ROBO1: variants seen among roughly 807,000 people sequenced by gnomAD.
The protein encoded by ROBO1 is roundabout guidance receptor 1.
In ROBO1, 149 loss-of-function variants were observed where a neutral mutation model predicts 195.9. That is an observed-to-expected ratio of 0.76 (90% confidence interval 0.67 to 0.87). ROBO1 has a LOEUF of 0.87. ROBO1 is among the 40% of genes least tolerant of loss of function. ROBO1 has a pLI of 0.00. For missense variants in ROBO1, 1,933 were observed against 2,068.3 expected, an observed-to-expected ratio of 0.93 and a Z score of 1.27; for synonymous variants, 816 against 733.2, an observed-to-expected ratio of 1.11 and a Z score of -1.82.
At chr3:79,478,156 G>T (rs1329329877) in intron 2 of ROBO1, among the ~76,000 whole-genome samples, 1 of 152,098 alleles carries the variant, frequency 6.6e-6, no homozygotes, top group African/African-American at 2.4e-5. Context: ...GGCTGCAAGT[G>T]CCCTGGGATC....
rs1164084745 is a variant in ROBO1, at chr3:78,867,100, T to A, written c.499+71501A>T. The stretch of plus-strand genomic sequence containing the variant: ...CATTGAAGTTTCTGTTTATCCTGGA[T>A]AACAACTCAGTATTTCATTAAGGAA... On this transcript the variant is annotated intron_variant, in intron 4 of 30. Transcript: ENST00000464233. 2.0e-5 allele frequency among the ~76,000 whole-genome samples: 3 copies of A among 152,328 alleles called. No homozygotes were observed. In the East Asian group the frequency reaches 5.8e-4, roughly 29 times the overall value.
chr3:79,428,215 A>G (rs1226978632), intron 2 of ROBO1, among the ~76,000 whole-genome samples: 1 of 152,166 alleles, frequency 6.6e-6, no homozygotes, highest in Non-Finnish European at 1.5e-5. Flanking sequence ...CAATAGAGGT[A>G]TCAGAGATAC....
intron 1 of ROBO1, among the ~76,000 whole-genome samples, chr3:79,661,036 A>T (rs1267780169): frequency 6.6e-6 from 1 of 152,080 alleles, no homozygotes; most frequent in East Asian, 1.9e-4. Context: ...AACAATTTAT[A>T]CTAAAAAGTA....
chr3:79,207,847 T>C (rs550437627), intron 2 of ROBO1, among the ~76,000 whole-genome samples: 1 of 151,874 alleles, frequency 6.6e-6, no homozygotes, highest in East Asian at 1.9e-4. Flanking sequence ...TCTAAATCAC[T>C]AGTAATCAGA....
In ROBO1 at chr3:78,598,867, T is replaced by G; in HGVS notation, c.*46A>C. The G allele has an allele frequency of 7.1e-7, 1 of 1,412,282 alleles. No homozygotes were observed. Among genetic ancestry groups the G allele is most frequent in the Non-Finnish European group, 9.7e-7 (1 of 1,025,954 alleles). The allele number at this position is 1,412,282 out of a possible 1,614,324, so 87.5% of individuals were successfully genotyped here. A position where few individuals can be genotyped will look rare whatever the true frequency, so the allele number is the denominator to read the frequency against. ...ATGTGTCATCTGACAGGAGGCATCT[T>G]GAGTGATGATTTTCACATTAGATCT... On this transcript the variant is annotated 3_prime_UTR_variant, in exon 31 of 31. Coordinates refer to ENST00000464233, the MANE Select transcript of ROBO1 (RefSeq NM_002941.4).
At chr3:78,693,525 C>T (rs1467143007) in intron 8 of ROBO1, among the ~76,000 whole-genome samples, 4 of 152,002 alleles carry the variant, frequency 2.6e-5, no homozygotes, top group Non-Finnish European at 5.9e-5. Context: ...TATTTGTTAG[C>T]ATTTTAGGTA....
At chr3:79,116,242 T>C (rs2079991561) in intron 3 of ROBO1, among the ~76,000 whole-genome samples, 1 of 152,100 alleles carries the variant, frequency 6.6e-6, no homozygotes, top group Non-Finnish European at 1.5e-5. Flanking sequence ...TCTTCCTGTA[T>C]AATTTAATCT....
intron 2 of ROBO1, among the ~76,000 whole-genome samples, chr3:79,269,018 C>T (rs570575749): frequency 2.0e-5 from 3 of 151,606 alleles, no homozygotes; most frequent in African/African-American, 4.8e-5. Context: ...AAGACCAATT[C>T]GCTTTCCAGA....
intron 1 of ROBO1, among the ~76,000 whole-genome samples, chr3:79,602,393 C>T (rs1223335494): frequency 6.6e-6 from 1 of 151,886 alleles, no homozygotes; most frequent in Non-Finnish European, 1.5e-5. Context: ...ATTCTAGAAG[C>T]CAAGGGTTTT....
intron 3 of ROBO1, among the ~76,000 whole-genome samples, chr3:79,118,150 G>A (rs2080043153): frequency 6.6e-6 from 1 of 151,972 alleles, no homozygotes; most frequent in Non-Finnish European, 1.5e-5. Context: ...GGTTAGTAGA[G>A]TCATTTCCAA....
At chr3:79,129,555 T>A (rs2080284990) in intron 2 of ROBO1, among the ~76,000 whole-genome samples, 1 of 152,108 alleles carries the variant, frequency 6.6e-6, no homozygotes, top group Non-Finnish European at 1.5e-5. Context: ...CAGTATAAAT[T>A]ATGTCCTCAA....
intron 1 of ROBO1, among the ~76,000 whole-genome samples, chr3:79,635,836 C>T (rs1576156621): frequency 6.6e-6 from 1 of 152,200 alleles, no homozygotes; most frequent in East Asian, 1.9e-4. Flanking sequence ...ACTGTTATCC[C>T]TTCTAAGCCT....
intron 1 of ROBO1, among the ~76,000 whole-genome samples, chr3:79,644,820 A>T (rs1945770221): frequency 6.6e-6 from 1 of 152,158 alleles, no homozygotes; most frequent in Non-Finnish European, 1.5e-5. Flanking sequence ...GCCACAAAAC[A>T]GGTCTCAGCA....
At chr3:78,887,027 GTATTA>G (rs899661542) in intron 4 of ROBO1, among the ~76,000 whole-genome samples, 21 of 152,072 alleles carry the variant, frequency 1.4e-4, no homozygotes, top group African/African-American at 5.1e-4. Flanking sequence ...AGTTAAATTT[GTATTA>G]TATAAGACAT....
chr3:79,178,655 G>A (rs1022956827), intron 2 of ROBO1, among the ~76,000 whole-genome samples: 1 of 152,166 alleles, frequency 6.6e-6, no homozygotes, highest in Non-Finnish European at 1.5e-5. Flanking sequence ...GGCATTTGGC[G>A]CCAAGTGGCA....
chr3:79,274,464 A>G (rs1380454114), intron 2 of ROBO1, among the ~76,000 whole-genome samples: 3 of 152,026 alleles, frequency 2.0e-5, no homozygotes, highest in African/African-American at 7.2e-5. Flanking sequence ...GATAATGGAA[A>G]CACAGCATAC....
chr3:79,243,405 C>T (rs914157612), intron 2 of ROBO1, among the ~76,000 whole-genome samples: 5 of 152,138 alleles, frequency 3.3e-5, no homozygotes, highest in African/African-American at 1.2e-4. Flanking sequence ...TGAGGAATCG[C>T]CACACTGTCT....
chr3:79,185,753 A>G (rs1231701572), intron 2 of ROBO1, among the ~76,000 whole-genome samples: 1 of 152,120 alleles, frequency 6.6e-6, no homozygotes, highest in Non-Finnish European at 1.5e-5. Context: ...TAGGTTGGCC[A>G]TCTTGGAGAA....
intron 4 of ROBO1, among the ~76,000 whole-genome samples, chr3:78,910,893 T>A (rs950519180): frequency 2.6e-5 from 4 of 152,024 alleles, no homozygotes; most frequent in African/African-American, 9.6e-5. Context: ...CTTGGGAACT[T>A]GTTAGAAATA....
Sources: allele counts gnomAD v4.1 joint callset (sites outside exome capture counted in the v4.1 genomes callset), GRCh38; gene constraint gnomAD v4.1.1; transcripts MANE v1.5; gene names NCBI Gene and HGNC (gene_info 2026-07-23, HGNC 2026-07-21).